The following OSBPL9 variants were observed in gnomAD, a reference collection of about 807,000 sequenced individuals.
The protein encoded by OSBPL9 is oxysterol binding protein like 9.
In OSBPL9, 40 loss-of-function variants were observed where a neutral mutation model predicts 106.6. The observed-to-expected ratio is 0.38, with a 90% CI of 0.29 to 0.49. OSBPL9 has a LOEUF of 0.49. Ranked by LOEUF, OSBPL9 falls within the 20% of genes least tolerant of loss-of-function variation. The probability of loss-of-function intolerance (pLI) is 0.97; values close to 1 mark genes in which losing one functional copy is unlikely to be tolerated. For missense variants in OSBPL9, 609 were observed against 887.2 expected, an observed-to-expected ratio of 0.69 and a Z score of 3.98; for synonymous variants, 269 against 295.4, an observed-to-expected ratio of 0.91 and a Z score of 0.92.
At chr1:51,728,867 C>A (rs1005734431) in intron 4 of OSBPL9, among the ~76,000 whole-genome samples, 4 of 152,068 alleles carry the variant, frequency 2.6e-5, no homozygotes, top group African/African-American at 9.7e-5. Context: ...CTAGGTCTTG[C>A]AGTGGGTACC....
chr1:51,598,538 G>T (rs1645313539), intron 2 of OSBPL9, among the ~76,000 whole-genome samples: 1 of 152,202 alleles, frequency 6.6e-6, no homozygotes, highest in Admixed American at 6.5e-5. Context: ...GATGTAAGTA[G>T]CACTCCCCAA....
At chr1:51,708,927 GT>G in intron 3 of OSBPL9, 1 of 152,198 alleles carries the variant, frequency 6.6e-6, no homozygotes, top group East Asian at 1.9e-4. Flanking sequence ...TCTATATGCA[GT>G]TGTTTTGTAT....
chr1:51,730,105 C>G (rs1159358250), intron 4 of OSBPL9: 57 of 1,252,352 alleles, frequency 4.6e-5, no homozygotes, highest in Non-Finnish European at 5.2e-5. Flanking sequence ...CACCCTGCCT[C>G]CTTCCCGCCG....
intron 2 of OSBPL9, among the ~76,000 whole-genome samples, chr1:51,665,174 C>T (rs1404540131): frequency 3.3e-5 from 5 of 152,140 alleles, no homozygotes; most frequent in Admixed American, 2.0e-4. Flanking sequence ...GACAGAGTTT[C>T]GCTCTTGTTT....
intron 1 of OSBPL9, among the ~76,000 whole-genome samples, chr1:51,587,654 G>A (rs56361350): frequency 0.016 from 2,464 of 152,212 alleles, 33 homozygotes; most frequent in Non-Finnish European, 0.024. Context: ...CAACTTGCTC[G>A]CTCTTCTCAA....
At chr1:51,576,870 G>T (rs144303666), upstream of OSBPL9, among the ~76,000 whole-genome samples, 31 of 152,298 alleles carry the variant, frequency 2.0e-4, no homozygotes, top group Non-Finnish European at 3.8e-4. Flanking sequence ...GTAAGTGGTA[G>T]ACCTGAGATT....
chr1:51,694,920 A>ATTCATTTTCGGGG (rs1553166535), intron 3 of OSBPL9, among the ~76,000 whole-genome samples: 1 of 152,216 alleles, frequency 6.6e-6, no homozygotes, highest in Non-Finnish European at 1.5e-5. Flanking sequence ...AACTCACTTC[A>ATTCATTTTCGGGG]TTCATTTTCG....
chr1:51,785,802 G>A lies in OSBPL9; in HGVS notation c.1830-6G>A. The A allele has an allele frequency of 6.2e-7, 1 of 1,611,638 alleles. No homozygotes were observed. The stretch of plus-strand genomic sequence containing the variant: ...GACTAACACAAGTATTTCCTTTTCT[G>A]TTCAGTTCTCCAAATGACAAGAAGT... On this transcript the variant is annotated splice_polypyrimidine_tract_variant and splice_region_variant and intron_variant, in intron 20 of 23. Transcript: ENST00000428468.
intron 12 of OSBPL9, among the ~76,000 whole-genome samples, chr1:51,770,373 C>T (rs1673606029): frequency 6.6e-6 from 1 of 151,954 alleles, no homozygotes; most frequent in African/African-American, 2.4e-5. Context: ...GAACTCCTCA[C>T]CTCAAGTGAT....
At chr1:51,782,422 A>G in intron 16 of OSBPL9, 137 bp from the exon 17 acceptor site, 1 of 597,440 alleles carries the variant, frequency 1.7e-6, no homozygotes, top group Non-Finnish European at 2.9e-6. Context: ...AAAATATTGT[A>G]GTTAAGTTCT....
At chr1:51,576,244 G>C (rs1645183145), upstream of OSBPL9, among the ~76,000 whole-genome samples, 1 of 152,184 alleles carries the variant, frequency 6.6e-6, no homozygotes, top group Admixed American at 6.5e-5. Flanking sequence ...ATGGTAATTA[G>C]ACAGGTCTTG....
At chr1:51,774,000 AG>A (rs1674513958) in intron 14 of OSBPL9, among the ~76,000 whole-genome samples, 1 of 152,062 alleles carries the variant, frequency 6.6e-6, no homozygotes, top group African/African-American at 2.4e-5. Flanking sequence ...GTTGTTTTCC[AG>A]GAGTGGCTCA....
intron 2 of OSBPL9, among the ~76,000 whole-genome samples, chr1:51,655,505 G>T (rs1458268811): frequency 1.3e-5 from 2 of 152,106 alleles, no homozygotes; most frequent in Non-Finnish European, 2.9e-5. Context: ...GCTTTTAAAA[G>T]ACCTCATGTG....
upstream of OSBPL9, among the ~76,000 whole-genome samples, chr1:51,616,303 C>T (rs1644057288): frequency 6.6e-6 from 1 of 152,006 alleles, no homozygotes; most frequent in Non-Finnish European, 1.5e-5. Flanking sequence ...CTTAAATTGC[C>T]CCTGTAGGCT....
chr1:51,525,624 A>G, the OSBPL9 span, among the ~76,000 whole-genome samples: 1 of 152,262 alleles, frequency 6.6e-6, no homozygotes, highest in South Asian at 2.1e-4. Flanking sequence ...ATATATATCC[A>G]AGATCCTAAT....
intron 7 of OSBPL9, 89 bp from the exon 8 acceptor site, chr1:51,750,056 A>G (rs1668920962): frequency 2.2e-6 from 2 of 927,126 alleles, no homozygotes; most frequent in South Asian, 1.7e-5. Context: ...AACTCTATAC[A>G]TCTGAACTGA....
At chr1:51,522,771 A>G in the OSBPL9 span, among the ~76,000 whole-genome samples, 1 of 152,180 alleles carries the variant, frequency 6.6e-6, no homozygotes, top group Non-Finnish European at 1.5e-5. Flanking sequence ...GAAGATAATA[A>G]TATCTACTTT....
At chr1:51,553,827 C>T in the OSBPL9 span, among the ~76,000 whole-genome samples, 5 of 152,070 alleles carry the variant, frequency 3.3e-5, no homozygotes, top group Non-Finnish European at 4.4e-5. Context: ...TACAGGCATC[C>T]GCCACCACAC....
chr1:51,682,294 A>G (rs979420774), intron 3 of OSBPL9, among the ~76,000 whole-genome samples: 3 of 152,096 alleles, frequency 2.0e-5, no homozygotes, highest in African/African-American at 7.2e-5. Context: ...GGTTGAATCC[A>G]CGGATGCAGA....
Sources: gnomAD v4.1 joint callset for allele counts (sites outside exome capture counted in the v4.1 genomes callset) on GRCh38, gnomAD v4.1.1 for gene constraint, MANE v1.5 for transcripts, NCBI Gene and HGNC (gene_info 2026-07-23, HGNC 2026-07-21) for gene names.